Variants in GLB1L2 observed in about 807,000 individuals in gnomAD.
GLB1L2 encodes galactosidase beta 1 like 2.
Under a neutral mutation model 84.1 loss-of-function variants are expected in GLB1L2, and 68 were observed. That is an observed-to-expected ratio of 0.81 (90% CI 0.67 to 0.99). The LOEUF (loss-of-function observed/expected upper bound fraction) is 0.99, where lower values mean the gene tolerates loss of function less well. GLB1L2 is among the 50% of genes least tolerant of loss of function. The probability of loss-of-function intolerance (pLI) is 0.00; values close to 1 mark genes in which losing one functional copy is unlikely to be tolerated. For missense variants in GLB1L2, 762 were observed against 805.6 expected, an observed-to-expected ratio of 0.95 and a Z score of 0.66; for synonymous variants, 290 against 318.0, an observed-to-expected ratio of 0.91 and a Z score of 0.94.
chr11:134,346,553 C>CT (rs1382971987), intron 4 of GLB1L2: 1 of 152,360 alleles, frequency 6.6e-6, no homozygotes, highest in Non-Finnish European at 1.5e-5. Flanking sequence ...GGGTGTCGGT[C>CT]TGGAGGAAAC....
intron 1 of GLB1L2, among the ~76,000 whole-genome samples, chr11:134,337,187 C>T (rs140310572): frequency 1.3e-5 from 2 of 152,300 alleles, no homozygotes; most frequent in East Asian, 3.9e-4. Flanking sequence ...TACCTGGGAG[C>T]CTTTTCAAAG....
intron 5 of GLB1L2, 105 bp downstream of exon 5, chr11:134,347,538 A>G: frequency 1.3e-6 from 1 of 774,114 alleles, no homozygotes; most frequent in African/African-American, 1.7e-5. Flanking sequence ...TTTTGAACAC[A>G]CGAGCAGGCT....
At position 134,338,348 on chromosome 11, in the gene GLB1L2, T is replaced by C. The variant is rs1943416474; in HGVS notation, c.87-4406T>C. 6.6e-6 allele frequency among the ~76,000 whole-genome samples: 1 copy of C among 152,146 alleles called. No individual in the cohort carries two copies. The highest frequency in any genetic ancestry group is 1.5e-5 in the Non-Finnish European group (1 of 68,022). On this transcript the variant is annotated intron_variant, in intron 1 of 18. Transcript: ENST00000535456. This position sits in a 1 kb window ranked among gnomAD's most constrained non-coding sequence, Gnocchi z 6.2. ...GCATTTCAAGCCTGGCACACTTCAC[T>C]CAAGGAGATCCTTTCTGGTGGTGAC... is the stretch of plus-strand genomic sequence containing the variant.
intron 6 of GLB1L2, among the ~76,000 whole-genome samples, chr11:134,358,344 T>C (rs1480039620): frequency 6.6e-6 from 1 of 152,230 alleles, no homozygotes; most frequent in Non-Finnish European, 1.5e-5. Context: ...GTCTCTACTG[T>C]GAAGACAGCA....
At chr11:134,342,504 C>T (rs920671629) in intron 1 of GLB1L2, among the ~76,000 whole-genome samples, 1 of 152,150 alleles carries the variant, frequency 6.6e-6, no homozygotes, top group African/African-American at 2.4e-5. Flanking sequence ...TCCTTTCAGC[C>T]CGCCGGCCTC....
chr11:134,347,146 G>T, intron 4 of GLB1L2, 179 bp from the exon 5 acceptor site: 1 of 615,336 alleles, frequency 1.6e-6, no homozygotes, highest in East Asian at 2.6e-5. Context: ...AGTGCGGGTG[G>T]GTGCTCGCCC....
chr11:134,361,815 A>G (rs1943794495), intron 7 of GLB1L2, among the ~76,000 whole-genome samples: 2 of 152,168 alleles, frequency 1.3e-5, no homozygotes, highest in African/African-American at 4.8e-5. Context: ...TCCAGGAAAC[A>G]GGATGTTTCT....
At chr11:134,355,325 C>T (rs1943686687) in intron 5 of GLB1L2, among the ~76,000 whole-genome samples, 1 of 152,156 alleles carries the variant, frequency 6.6e-6, no homozygotes, top group South Asian at 2.1e-4. Flanking sequence ...TGTGTTTCTT[C>T]AGATACTGCT....
intron 16 of GLB1L2, 70 bp downstream of exon 16, chr11:134,373,878 C>T: frequency 1.7e-6 from 2 of 1,165,030 alleles, no homozygotes; most frequent in South Asian, 2.7e-5. Flanking sequence ...CCAGGGGTCC[C>T]TGGTGCACCG....
intron 8 of GLB1L2, among the ~76,000 whole-genome samples, chr11:134,366,901 T>C (rs534479398): frequency 2.6e-4 from 39 of 152,320 alleles, no homozygotes; most frequent in Non-Finnish European, 5.1e-4. Flanking sequence ...GATATGGAGT[T>C]GTCCTGGGTA....
chr11:134,351,905 TAAG>T (rs1943640314), intron 5 of GLB1L2, among the ~76,000 whole-genome samples: 1 of 152,170 alleles, frequency 6.6e-6, no homozygotes, highest in Non-Finnish European at 1.5e-5. Context: ...AGGGAAAAAT[TAAG>T]AAATTCCCAA....
chr11:134,361,992 G>C (rs996897463), intron 7 of GLB1L2, among the ~76,000 whole-genome samples: 1 of 152,136 alleles, frequency 6.6e-6, no homozygotes, highest in Non-Finnish European at 1.5e-5. Flanking sequence ...GCCCAGTTAC[G>C]CTCACCATGG....
At chr11:134,362,604 G>A (rs543417508) in intron 7 of GLB1L2, among the ~76,000 whole-genome samples, 2 of 152,348 alleles carry the variant, frequency 1.3e-5, no homozygotes, top group Admixed American at 1.3e-4. Flanking sequence ...GAGAAGTCCT[G>A]GGTTCTTGCC....
rs1180542720 is a variant in GLB1L2 at position 134,334,811 on chromosome 11, C to A, written c.86+2664C>A. ...TTCACTCAGAGTATTATTTTGAGGT[C>A]TGCGATGCACGTATCAGTGCGAACC... On this transcript the variant is annotated intron_variant, in intron 1 of 18. Coordinates refer to ENST00000535456, the MANE Select transcript of GLB1L2 (RefSeq NM_001370461.1). This position sits in a 1 kb window ranked among gnomAD's most constrained non-coding sequence, Gnocchi z 4.1. 6.6e-6 allele frequency among the ~76,000 whole-genome samples: 1 copy of A among 152,154 alleles called. No individual in the cohort carries two copies. The highest frequency in any genetic ancestry group is 1.9e-4 in the East Asian group (1 of 5,198).
intron 1 of GLB1L2, among the ~76,000 whole-genome samples, chr11:134,333,040 C>T (rs1217232183): frequency 6.6e-6 from 1 of 152,170 alleles, no homozygotes; most frequent in African/African-American, 2.4e-5. Context: ...TTCTTTTTTA[C>T]TTAGAGAAAC....
chr11:134,357,666 T>C (rs773278436), intron 6 of GLB1L2, among the ~76,000 whole-genome samples: 1 of 152,190 alleles, frequency 6.6e-6, no homozygotes, highest in Non-Finnish European at 1.5e-5. Context: ...CACTCATGCT[T>C]CCCTGGTGTC....
rs958729228 is a variant in GLB1L2, at chr11:134,370,801, G to A, written c.1216-207G>A. 5.3e-5 allele frequency among the ~76,000 whole-genome samples: 8 copies of A among 152,104 alleles called. No individual in the cohort carries two copies. Among genetic ancestry groups the A allele is most frequent in the South Asian group, 2.1e-4 (1 of 4,824 alleles). ...GCTGTGATGTGTGTCCCCTGCCTGC[G>A]GACTGCACTCTGCTGGTGCACACCC... On this transcript the variant is annotated intron_variant, in intron 12 of 18. Coordinates refer to ENST00000535456, the MANE Select transcript of GLB1L2 (RefSeq NM_001370461.1). This position sits in a 1 kb window ranked among gnomAD's most constrained non-coding sequence, Gnocchi z 4.7.
At chr11:134,364,171 G>A (rs574763376) in intron 7 of GLB1L2, among the ~76,000 whole-genome samples, 157 bp from the exon 8 acceptor site, 6 of 152,292 alleles carry the variant, frequency 3.9e-5, no homozygotes, top group East Asian at 1.9e-4. Flanking sequence ...GTGAGCCACC[G>A]CGCCTGACTG....
At chr11:134,340,457 G>A (rs1412546275) in intron 1 of GLB1L2, among the ~76,000 whole-genome samples, 1 of 152,206 alleles carries the variant, frequency 6.6e-6, no homozygotes, top group Non-Finnish European at 1.5e-5. Flanking sequence ...GGGCAGGTGA[G>A]TCTGGTGAGT....
Sources: gnomAD v4.1 joint callset for allele counts (sites outside exome capture counted in the v4.1 genomes callset) on GRCh38, gnomAD v4.1.1 for gene constraint, Gnocchi (gnomAD v3.1) non-coding constraint, MANE v1.5 for transcripts, NCBI Gene and HGNC (gene_info 2026-07-23, HGNC 2026-07-21) for gene names.